The following PCLO variants were observed in gnomAD, a reference collection of about 807,000 sequenced individuals.
PCLO encodes the protein protein piccolo.
PCLO carries 82 observed loss-of-function variants against 427.5 expected under a neutral mutation model. The ratio of observed to expected loss-of-function variants is 0.19; its 90% CI spans 0.16 to 0.23. The LOEUF is 0.23. Ranked by LOEUF, PCLO falls within the 10% of genes least tolerant of loss-of-function variation. The probability of loss-of-function intolerance (pLI) is 1.00; values close to 1 mark genes in which losing one functional copy is unlikely to be tolerated. For synonymous variants in PCLO, 2,357 were observed against 2,155.4 expected (o/e 1.09, Z -2.59); for missense variants, 6,239 against 6,115.9 (o/e 1.02, Z -0.67).
intron 10 of PCLO, among the ~76,000 whole-genome samples, chr7:82,863,121 T>C (rs932706362): frequency 1.3e-5 from 2 of 152,044 alleles, no homozygotes; most frequent in Admixed American, 1.3e-4. Flanking sequence ...CTCATAAATA[T>C]ATATACCTAC....
intron 9 of PCLO, among the ~76,000 whole-genome samples, chr7:82,881,231 T>C (rs1337431488): frequency 6.6e-6 from 1 of 152,108 alleles, no homozygotes; most frequent in Non-Finnish European, 1.5e-5. Context: ...AAAAGTGTAG[T>C]TGTGGAACTT....
At position 83,156,331 on chromosome 7, in the gene PCLO, G is replaced by A. The variant is rs764874740; in HGVS notation, c.310C>T (p.Arg104Cys). 7.4e-6 allele frequency: 12 copies of A among 1,612,270 alleles called. No homozygotes were observed. The highest frequency in any genetic ancestry group is 2.7e-5 in the African/African-American group (2 of 74,468). Residue 104 changes from arginine to cysteine, a missense_variant, in exon 2 of 25, where the codon CGT (arginine) becomes TGT (cysteine). Coordinates refer to ENST00000333891, the MANE Select transcript of PCLO (RefSeq NM_033026.6). ...KQSGRPPDPG[R>C]PAQPGLSKSR... Reference sequence around the variant, plus strand: ...TTACTGAGACCAGGTTGAGCTGGACGCCCAGGGTCCGGGGGTCTTCCTGAT... The same window carrying A: ...TTACTGAGACCAGGTTGAGCTGGACACCCAGGGTCCGGGGGTCTTCCTGAT...
At chr7:83,017,003 C>A (rs1788225354) in intron 3 of PCLO, among the ~76,000 whole-genome samples, 1 of 151,880 alleles carries the variant, frequency 6.6e-6, no homozygotes, top group Non-Finnish European at 1.5e-5. Context: ...GCTCTTTTTT[C>A]TTTGTGAATA....
At chr7:83,049,171 G>C (rs1789173349) in intron 3 of PCLO, among the ~76,000 whole-genome samples, 2 of 152,138 alleles carry the variant, frequency 1.3e-5, no homozygotes, top group African/African-American at 2.4e-5. Flanking sequence ...TGCTCTGTCA[G>C]TCTCTAATGT....
chr7:82,898,140 C>G (rs560740926), intron 9 of PCLO, among the ~76,000 whole-genome samples: 3 of 151,620 alleles, frequency 2.0e-5, no homozygotes, highest in African/African-American at 7.2e-5. Flanking sequence ...TGAATTTTCA[C>G]AGCTACTTCT....
chr7:82,959,016 A>G (rs557800323), intron 4 of PCLO, among the ~76,000 whole-genome samples: 109 of 152,230 alleles, frequency 7.2e-4, no homozygotes, highest in African/African-American at 2.5e-3. Flanking sequence ...AGGTCAAGAA[A>G]ATGATCTTTC....
chr7:83,126,351 T>C (rs1454116867), intron 3 of PCLO, among the ~76,000 whole-genome samples: 1 of 152,124 alleles, frequency 6.6e-6, no homozygotes, highest in African/African-American at 2.4e-5. Context: ...ATTAATTATA[T>C]ATTTCAAAAT....
chr7:83,062,248 T>G (rs1341650390), intron 3 of PCLO, among the ~76,000 whole-genome samples: 2 of 152,274 alleles, frequency 1.3e-5, no homozygotes, highest in East Asian at 3.9e-4. Context: ...TATAGAATTA[T>G]GAAGAATCAA....
In PCLO at chr7:82,995,851, A is replaced by T. The variant is rs555280532; in HGVS notation, c.3301-29364T>A. On this transcript the variant is annotated intron_variant, in intron 3 of 24. Coordinates refer to ENST00000333891, the MANE Select transcript of PCLO (RefSeq NM_033026.6). ...ATGCACGGTATATAGTAAACATTAC[A>T]TGAGGGTTTCTTAATGTTTTGTTTG... 2.6e-4 allele frequency among the ~76,000 whole-genome samples: 39 copies of T among 152,096 alleles called. 1 individual carries two copies. The East Asian group carries it at 7.0e-3, about 27-fold the overall frequency.
intron 1 of PCLO, among the ~76,000 whole-genome samples, chr7:83,161,308 T>A (rs762194406): frequency 2.0e-5 from 3 of 152,162 alleles, no homozygotes; most frequent in Non-Finnish European, 4.4e-5. Context: ...TTACAGTATC[T>A]CAAATGAAAA....
chr7:82,977,563 C>G (rs1796048667), intron 3 of PCLO, among the ~76,000 whole-genome samples: 2 of 151,898 alleles, frequency 1.3e-5, no homozygotes, highest in Admixed American at 6.6e-5. Context: ...CAGGTGCCCA[C>G]CACCACACCC....
Position 82,907,910 on chromosome 7 carries a change from T to C in PCLO, c.13437+967A>G, listed in dbSNP as rs145162379. 2.0e-5 allele frequency among the ~76,000 whole-genome samples: 3 copies of C among 152,144 alleles called. No individual in the cohort carries two copies. The East Asian group carries it at 5.8e-4, about 29-fold the overall frequency. On this transcript the variant is annotated intron_variant, in intron 8 of 24. Coordinates refer to ENST00000333891, the MANE Select transcript of PCLO (RefSeq NM_033026.6). ...GTATTTTAGACAGTACTTATAAATGTCAAAGGCTTGTTTTCTTTTATACCT... is the reference window on the plus strand; with the variant it reads ...GTATTTTAGACAGTACTTATAAATGCCAAAGGCTTGTTTTCTTTTATACCT...
In PCLO at chr7:83,156,056, C is replaced by A. The variant is rs761740099; in HGVS notation, c.585G>T (p.Val195=). 1 of 1,613,222 alleles carries A rather than the reference C, an allele frequency of 6.2e-7. No individual in the cohort carries two copies. Among genetic ancestry groups the A allele is most frequent in the African/African-American group, 1.3e-5 (1 of 74,732 alleles). Residue 195 remains valine (V), a synonymous_variant, in exon 2 of 25, where the codon GTG becomes GTT. Coordinates refer to ENST00000333891, the MANE Select transcript of PCLO (RefSeq NM_033026.6). Reference sequence around the variant, plus strand: ...CAGGTTTTCCTTGCTCCTTCTGAACCACTTTTTGTTTCTTGGTGGTTTCTT... The same window carrying A: ...CAGGTTTTCCTTGCTCCTTCTGAACAACTTTTTGTTTCTTGGTGGTTTCTT... ...SQEETTKKQK[V]VQKEQGKPEG...
intron 22 of PCLO, among the ~76,000 whole-genome samples, chr7:82,775,911 A>C (rs77557813): frequency 0.02 from 3,025 of 152,240 alleles, 103 homozygotes; most frequent in African/African-American, 0.069. Context: ...ACTTTTTTGC[A>C]TGTGGAGGTC....
rs183426853 is a variant in PCLO at position 82,998,717 on chromosome 7, C to T, written c.3301-32230G>A. 5.9e-5 allele frequency among the ~76,000 whole-genome samples: 9 copies of T among 151,846 alleles called. No homozygotes were observed. In the East Asian group the frequency reaches 1.2e-3, roughly 20 times the overall value. ...CACCTTACCACCACATTACTAAAGG[C>T]CTATTTACAGCACTTTCTTTTACCC... On this transcript the variant is annotated intron_variant, in intron 3 of 24. Transcript: ENST00000333891.
At chr7:83,000,267 T>C (rs1357458007) in intron 3 of PCLO, among the ~76,000 whole-genome samples, 4 of 69,282 alleles carry the variant, frequency 5.8e-5, no homozygotes, top group Admixed American at 1.9e-4. Flanking sequence ...ATTCAAAGTG[T>C]TGAGAGAGAG....
At chr7:83,050,928 T>G (rs949658182) in intron 3 of PCLO, among the ~76,000 whole-genome samples, 1 of 151,558 alleles carries the variant, frequency 6.6e-6, no homozygotes, top group Non-Finnish European at 1.5e-5. Context: ...CAAAAAAAAA[T>G]TAATGTAATT....
intron 6 of PCLO, among the ~76,000 whole-genome samples, chr7:82,917,264 G>A (rs1464215373): frequency 3.9e-5 from 6 of 151,994 alleles, no homozygotes; most frequent in Non-Finnish European, 8.8e-5. Flanking sequence ...GCCCCCTGGA[G>A]TGGCTGTCAT....
intron 6 of PCLO, among the ~76,000 whole-genome samples, chr7:82,930,145 T>C (rs1399141734): frequency 6.6e-6 from 1 of 152,196 alleles, no homozygotes; most frequent in Non-Finnish European, 1.5e-5. Context: ...ACAACTTGTA[T>C]GTAGTTCTAA....
Sources: allele counts gnomAD v4.1 joint callset (sites outside exome capture counted in the v4.1 genomes callset), GRCh38; gene constraint gnomAD v4.1.1; transcripts MANE v1.5; gene names NCBI Gene and HGNC (gene_info 2026-07-23, HGNC 2026-07-21).